The following LCORL variants were observed in gnomAD, a reference collection of about 807,000 sequenced individuals.
The protein encoded by LCORL is ligand dependent nuclear receptor corepressor like.
LCORL carries 41 observed loss-of-function variants against 141.8 expected under a neutral mutation model. The observed-to-expected ratio is 0.29, with a 90% CI of 0.23 to 0.38. The LOEUF is 0.38. Among genes scored for constraint, LCORL ranks in the 10% least tolerant of loss-of-function variants. The pLI is 1.00. For missense variants in LCORL, 1,759 were observed against 2,035.0 expected (o/e 0.86, Z 2.61); for synonymous variants, 618 against 694.1 (o/e 0.89, Z 1.72).
chr4:17,889,595 A>G (rs996550231), intron 5 of LCORL, among the ~76,000 whole-genome samples: 9 of 152,080 alleles, frequency 5.9e-5, no homozygotes, highest in African/African-American at 2.2e-4. Flanking sequence ...TTTTGCTGAT[A>G]GCATGATTCC....
intron 4 of LCORL, among the ~76,000 whole-genome samples, chr4:17,954,439 G>C (rs558602970): frequency 3.9e-5 from 6 of 152,274 alleles, no homozygotes; most frequent in South Asian, 2.1e-4. Flanking sequence ...GGTCAAGGAG[G>C]AGACAGAACC....
chr4:18,013,602 C>G (rs899937760), intron 1 of LCORL, among the ~76,000 whole-genome samples: 1 of 152,164 alleles, frequency 6.6e-6, no homozygotes, highest in Non-Finnish European at 1.5e-5. Context: ...TGGGTTATTT[C>G]CATTAAGTCC....
At chr4:17,879,498 C>T (rs1211732234) in intron 6 of LCORL, among the ~76,000 whole-genome samples, 1 of 151,028 alleles carries the variant, frequency 6.6e-6, no homozygotes, top group East Asian at 1.9e-4. Context: ...TTTAAAGTCA[C>T]TGCCGCCTCT....
At chr4:17,892,456 C>T (rs545533527) in intron 5 of LCORL, among the ~76,000 whole-genome samples, 3 of 152,046 alleles carry the variant, frequency 2.0e-5, no homozygotes, top group South Asian at 2.1e-4. Context: ...ATGATCTGCC[C>T]GCCTTGGCCT....
intron 1 of LCORL, among the ~76,000 whole-genome samples, chr4:18,002,269 G>T (rs996752699): frequency 2.0e-5 from 3 of 151,950 alleles, no homozygotes; most frequent in African/African-American, 7.3e-5. Context: ...TATCTTCTTT[G>T]GTTTGCTTCA....
At chr4:17,880,479 G>A (rs1727417253) in intron 6 of LCORL, 2 of 939,220 alleles carry the variant, frequency 2.1e-6, no homozygotes, top group Non-Finnish European at 2.5e-6. Context: ...TTTTTAGTAT[G>A]TTACTATCCA....
exon 7 of LCORL, chr4:17,875,908 T>C: frequency 8.1e-7 from 1 of 1,231,284 alleles, no homozygotes; most frequent in African/African-American, 1.6e-5. Flanking sequence ...CTTTGAAAAG[T>C]ATCAGTATCA....
At chr4:17,899,819 T>G (rs887484083) in intron 5 of LCORL, among the ~76,000 whole-genome samples, 2 of 152,214 alleles carry the variant, frequency 1.3e-5, no homozygotes, top group Non-Finnish European at 2.9e-5. Flanking sequence ...TAACATGAAC[T>G]GCTTCATGCA....
intron 1 of LCORL, among the ~76,000 whole-genome samples, chr4:17,978,932 T>C (rs771364617): frequency 6.6e-6 from 1 of 152,204 alleles, no homozygotes; most frequent in Non-Finnish European, 1.5e-5. Context: ...TTTATTATTA[T>C]ACTTTAAGTT....
chr4:17,864,384 C>T (rs754685880), intron 7 of LCORL, among the ~76,000 whole-genome samples: 5 of 152,088 alleles, frequency 3.3e-5, no homozygotes, highest in Non-Finnish European at 7.4e-5. Flanking sequence ...GCCACTACAT[C>T]TGGCTGATTT....
intron 1 of LCORL, among the ~76,000 whole-genome samples, chr4:17,983,260 T>C (rs773327055): frequency 3.3e-5 from 5 of 152,334 alleles, no homozygotes; most frequent in African/African-American, 9.6e-5. Context: ...TCTTTTTTGG[T>C]TCAATACAAA....
intron 1 of LCORL, among the ~76,000 whole-genome samples, chr4:17,992,130 G>C (rs1266603816): frequency 6.6e-6 from 1 of 152,172 alleles, no homozygotes; most frequent in East Asian, 1.9e-4. Flanking sequence ...AATTTATAAA[G>C]CAAAGAGGGT....
intron 4 of LCORL, among the ~76,000 whole-genome samples, chr4:17,928,170 G>A (rs1472160400): frequency 6.6e-6 from 1 of 152,188 alleles, no homozygotes; most frequent in Non-Finnish European, 1.5e-5. Flanking sequence ...ACTTTGGGAT[G>A]GTAAGGTGGG....
chr4:17,902,133 A>G (rs1411264903), intron 5 of LCORL, among the ~76,000 whole-genome samples: 1 of 152,118 alleles, frequency 6.6e-6, no homozygotes, highest in Non-Finnish European at 1.5e-5. Flanking sequence ...AAAAGCCAAT[A>G]TGAAGACTAA....
intron 1 of LCORL, among the ~76,000 whole-genome samples, chr4:18,017,865 G>C (rs1312521148): frequency 6.6e-6 from 1 of 152,084 alleles, no homozygotes; most frequent in Admixed American, 6.5e-5. Context: ...ACTGTAATTA[G>C]GTAAGACAGT....
At chr4:17,862,519 A>G (rs1320576396) in intron 7 of LCORL, among the ~76,000 whole-genome samples, 1 of 152,242 alleles carries the variant, frequency 6.6e-6, no homozygotes, top group Non-Finnish European at 1.5e-5. Flanking sequence ...CTAGTACAAA[A>G]GCAGACACAT....
chr4:17,884,023 A>G lies in LCORL; in HGVS notation c.776+2045T>C. On this transcript the variant is annotated intron_variant, in intron 6 of 7. Transcript: ENST00000635767. This position sits in a 1 kb window ranked among gnomAD's most constrained non-coding sequence, Gnocchi z 4.4. Reference sequence around the variant, plus strand: ...CTTTTCGATCTAATCCATCTTCAGTATTTTCAGAGGTTCCATCAACTGTTC... The same window carrying G: ...CTTTTCGATCTAATCCATCTTCAGTGTTTTCAGAGGTTCCATCAACTGTTC... The G allele has an allele frequency of 6.4e-7, 1 of 1,550,682 alleles. No individual in the cohort carries two copies. The highest frequency in any genetic ancestry group is 2.4e-5 in the East Asian group (1 of 40,898).
intron 6 of LCORL, chr4:17,883,881 T>C (rs1480303359): frequency 5.8e-6 from 9 of 1,550,462 alleles, no homozygotes; most frequent in South Asian, 1.2e-5. Context: ...ACCCCATAAA[T>C]TCCTTGTGCT....
intron 4 of LCORL, among the ~76,000 whole-genome samples, chr4:17,953,857 G>A (rs1345182446): frequency 1.3e-5 from 2 of 151,920 alleles, no homozygotes; most frequent in African/African-American, 4.8e-5. Flanking sequence ...GAGGAGTAAG[G>A]GAGAGTTTAT....
Sources: gnomAD v4.1 joint callset for allele counts (sites outside exome capture counted in the v4.1 genomes callset) on GRCh38, gnomAD v4.1.1 for gene constraint, Gnocchi (gnomAD v3.1) non-coding constraint, MANE v1.5 for transcripts, NCBI Gene and HGNC (gene_info 2026-07-23, HGNC 2026-07-21) for gene names.